The following PTGR2 variants were observed in gnomAD, a reference collection of about 807,000 sequenced individuals.
PTGR2 encodes the protein prostaglandin reductase 2.
PTGR2 carries 32 observed loss-of-function variants against 43.4 expected under a neutral mutation model. The ratio of observed to expected loss-of-function variants is 0.74; its 90% CI spans 0.56 to 0.99. The LOEUF (loss-of-function observed/expected upper bound fraction) is 0.99. Ranked by LOEUF, PTGR2 falls within the 50% of genes least tolerant of loss-of-function variation. The probability of loss-of-function intolerance (pLI) is 0.00; values close to 1 mark genes in which losing one functional copy is unlikely to be tolerated. For missense variants in PTGR2, 373 were observed against 420.0 expected (o/e 0.89, Z 0.98); for synonymous variants, 106 against 139.2 (o/e 0.76, Z 1.68).
intron 3 of PTGR2, among the ~76,000 whole-genome samples, chr14:73,868,542 T>C (rs527318973): frequency 1.3e-5 from 2 of 152,260 alleles, no homozygotes; most frequent in African/African-American, 4.8e-5. Flanking sequence ...GATAACAACT[T>C]GCATTTGAGT....
At chr14:73,870,193 CTTT>C (rs34746463) in intron 3 of PTGR2, among the ~76,000 whole-genome samples, 7 of 127,594 alleles carry the variant, frequency 5.5e-5, no homozygotes, top group Admixed American at 1.6e-4. Context: ...CTTAAGCAAC[CTTT>C]TTTTTTTTTT....
chr14:73,879,597 C>T (rs2054936657), intron 6 of PTGR2: 1 of 358,134 alleles, frequency 2.8e-6, no homozygotes, highest in Non-Finnish European at 5.1e-6. Context: ...TGCTGAAGCA[C>T]TGATCCCTAA....
At chr14:73,873,932 A>G in intron 3 of PTGR2, 91 bp from the exon 4 acceptor site, 1 of 926,776 alleles carries the variant, frequency 1.1e-6, no homozygotes, top group Non-Finnish European at 1.6e-6. Context: ...TGTGCAATAT[A>G]TTACTCATTA....
chr14:73,878,958 C>T, intron 5 of PTGR2, 138 bp from the exon 6 acceptor site: 1 of 666,692 alleles, frequency 1.5e-6, no homozygotes, highest in South Asian at 2.2e-5. Flanking sequence ...TTTCAAATTA[C>T]TTTTCATTAA....
chr14:73,865,563 C>T (rs1362022865), intron 3 of PTGR2, among the ~76,000 whole-genome samples: 5 of 152,130 alleles, frequency 3.3e-5, no homozygotes, highest in Admixed American at 2.6e-4. Flanking sequence ...GTCAAGTTGA[C>T]GCCTAAAATT....
At position 73,858,897 on chromosome 14, in the gene PTGR2, C is replaced by A. The variant is rs993799494; in HGVS notation, c.35C>A (p.Pro12His). 4 of 1,610,458 alleles carry A rather than the reference C, an allele frequency of 2.5e-6. No individual in the cohort carries two copies. The African/African-American group carries it at 4.0e-5, about 16-fold the overall frequency. The change falls in exon 2 of 10, where the codon CCT (proline) becomes CAT (histidine). Residue 12 changes from proline (P) to histidine (H), a missense_variant and splice_region_variant. Physicochemically the swap from Pro to His is moderately conservative, Grantham distance 77 (BLOSUM62 -2). Coordinates refer to ENST00000555661, the MANE Select transcript of PTGR2 (RefSeq NM_001146154.2). ...IVQRVVLNSR[P>H]GKNGNPVAEN... The stretch of plus-strand genomic sequence containing the variant: ...CAAAGAGTGGTATTGAATTCTCGAC[C>A]TGGTATGTATTTGCGATGAATGAAC...
At chr14:73,875,356 T>C (rs1041791766) in intron 4 of PTGR2, among the ~76,000 whole-genome samples, 5 of 152,088 alleles carry the variant, frequency 3.3e-5, no homozygotes, top group Non-Finnish European at 7.4e-5. Flanking sequence ...TTGATTTTTT[T>C]TTTTTTCAAG....
intron 4 of PTGR2, among the ~76,000 whole-genome samples, chr14:73,876,109 G>A (rs1963799): frequency 0.075 from 11,453 of 151,948 alleles, 896 homozygotes; most frequent in East Asian, 0.44. Flanking sequence ...GTGAGCCACC[G>A]CACCCGGCCT....
intron 3 of PTGR2, among the ~76,000 whole-genome samples, chr14:73,862,874 A>T (rs537011850): frequency 6.7e-4 from 101 of 151,858 alleles, no homozygotes; most frequent in East Asian, 1.4e-3. Flanking sequence ...CACCCGGCTA[A>T]TTTTTTTGTT....
chr14:73,872,179 A>G (rs1312283018), intron 3 of PTGR2, among the ~76,000 whole-genome samples: 3 of 152,136 alleles, frequency 2.0e-5, no homozygotes, highest in Non-Finnish European at 4.4e-5. Flanking sequence ...TCCTCTTGAG[A>G]TGGGGTGCAG....
chr14:73,862,956 T>C (rs1566636146), intron 3 of PTGR2, among the ~76,000 whole-genome samples: 1 of 152,166 alleles, frequency 6.6e-6, no homozygotes, highest in East Asian at 1.9e-4. Context: ...AATACTCTTA[T>C]CTTGGCCTCC....
intron 1 of PTGR2, chr14:73,858,031 G>A (rs1278025041): frequency 6.6e-6 from 1 of 152,002 alleles, no homozygotes; most frequent in Admixed American, 6.6e-5. Context: ...ATATCATGTT[G>A]TTTGTTTTAT....
At chr14:73,858,999 A>G (rs1450874995) in intron 2 of PTGR2, 100 bp downstream of exon 2, 1 of 895,168 alleles carries the variant, frequency 1.1e-6, no homozygotes, top group Non-Finnish European at 1.8e-6. Flanking sequence ...AAATTAAGGT[A>G]GTAAGATATT....
intron 4 of PTGR2, among the ~76,000 whole-genome samples, chr14:73,876,483 C>T (rs1157025541): frequency 8.3e-5 from 9 of 108,566 alleles, no homozygotes; most frequent in South Asian, 8.1e-4. Context: ...GACATAAGTC[C>T]TTTTTTTTTT....
chr14:73,880,600 A>C (rs12589842), intron 7 of PTGR2, among the ~76,000 whole-genome samples: 29,056 of 88,470 alleles, frequency 0.33, 2,996 homozygotes, highest in Non-Finnish European at 0.4. Context: ...AAAAAAAAAA[A>C]CAAAAAAAAA....
At chr14:73,857,643 C>T (rs1347255573) in intron 1 of PTGR2, among the ~76,000 whole-genome samples, 1 of 132,130 alleles carries the variant, frequency 7.6e-6, no homozygotes, top group Non-Finnish European at 1.6e-5. Flanking sequence ...TTTTTGATTA[C>T]ATGTCAATTA....
rs1193393155 is a variant in PTGR2 at position 73,877,097 on chromosome 14, A to G, written c.448A>G (p.Ile150Val). The part of the protein sequence containing the change: ...SLIGIQEKGH[I>V]TAGSNKTMVV... ...GATTGGGATACAGGAAAAAGGTCAT[A>G]TAACTGCTGGATCTAATAAGACAAT... The change falls in exon 5 of 10, where the codon ATA (isoleucine) becomes GTA (valine). Residue 150 changes from isoleucine (I) to valine (V), a missense_variant. Transcript: ENST00000555661. The G allele has an allele frequency of 5.0e-6, 8 of 1,613,998 alleles. No homozygotes were observed. Among genetic ancestry groups the G allele is most frequent in the Non-Finnish European group, 6.8e-6 (8 of 1,179,996 alleles).
chr14:73,877,633 T>TA (rs1484517260), intron 5 of PTGR2: 2 of 152,648 alleles, frequency 1.3e-5, no homozygotes, highest in African/African-American at 4.8e-5. Flanking sequence ...TTTACCTACT[T>TA]AGACTCTCTT....
Position 73,884,180 on chromosome 14 carries a change from G to C in PTGR2, c.*3G>C, listed in dbSNP as rs1413396342. On this transcript the variant is annotated 3_prime_UTR_variant, in exon 10 of 10. Coordinates refer to ENST00000555661, the MANE Select transcript of PTGR2 (RefSeq NM_001146154.2). ...TTTCAGAAGAAATCTCTTTGTAATTGCTGTAAATGTCATCAAGGCAATCAT... is the reference window on the plus strand; with the variant it reads ...TTTCAGAAGAAATCTCTTTGTAATTCCTGTAAATGTCATCAAGGCAATCAT... 1.9e-6 allele frequency: 3 copies of C among 1,545,986 alleles called. No individual in the cohort carries two copies. The highest frequency in any genetic ancestry group is 2.7e-6 in the Non-Finnish European group (3 of 1,126,366).
Sources: allele counts gnomAD v4.1 joint callset (sites outside exome capture counted in the v4.1 genomes callset), GRCh38; gene constraint gnomAD v4.1.1; transcripts MANE v1.5; gene names NCBI Gene and HGNC (gene_info 2026-07-23, HGNC 2026-07-21).